PRICKLE1: variants seen among roughly 807,000 people sequenced by gnomAD.
The protein encoded by PRICKLE1 is prickle-like protein 1.
In PRICKLE1, 14 loss-of-function variants were observed where a neutral mutation model predicts 70.2. The ratio of observed to expected loss-of-function variants is 0.20; its 90% CI spans 0.13 to 0.31. The LOEUF (loss-of-function observed/expected upper bound fraction) is 0.31, where lower values mean the gene tolerates loss of function less well. Ranked by LOEUF, PRICKLE1 falls within the 10% of genes least tolerant of loss-of-function variation. The pLI, the probability that PRICKLE1 is intolerant of heterozygous loss-of-function variation, is 1.00. For synonymous variants in PRICKLE1, 357 were observed against 379.9 expected, an observed-to-expected ratio of 0.94 and a Z score of 0.70; for missense variants, 821 against 1,026.2, an observed-to-expected ratio of 0.80 and a Z score of 2.73.
intron 1 of PRICKLE1, among the ~76,000 whole-genome samples, chr12:42,532,673 G>A (rs1190515395): frequency 2.0e-5 from 3 of 152,082 alleles, no homozygotes; most frequent in African/African-American, 2.4e-5. Context: ...TGAGGCGGGC[G>A]GATCACGAGG....
chr12:42,478,150 G>C (rs1208702898), intron 1 of PRICKLE1, among the ~76,000 whole-genome samples: 1 of 151,910 alleles, frequency 6.6e-6, no homozygotes, highest in Non-Finnish European at 1.5e-5. Context: ...CACTTCTGTG[G>C]GATCCATTTG....
At position 42,517,969 on chromosome 12, in the gene PRICKLE1, G is replaced by GGTTTATAATTCCAGGTTTATAATTCCA. The variant is rs1939639354; in HGVS notation, c.-48-45406_-48-45405insTGGAATTATAAACCTGGAATTATAAAC. On this transcript the variant is annotated intron_variant, in intron 1 of 7. Coordinates refer to ENST00000345127, the MANE Select transcript of PRICKLE1 (RefSeq NM_153026.3). The stretch of plus-strand genomic sequence containing the variant: ...GTCTCAGAATGTCTCTCCCAGGCCT[G>GGTTTATAATTCCAGGTTTATAATTCCA]GGTTTATAATTCCAAAGATAACATA... Among the ~76,000 whole-genome samples, 3 of 151,932 alleles carry GGTTTATAATTCCAGGTTTATAATTCCA rather than the reference G, an allele frequency of 2.0e-5. No individual in the cohort carries two copies. In the South Asian group the frequency reaches 6.3e-4, roughly 32 times the overall value.
intron 1 of PRICKLE1, among the ~76,000 whole-genome samples, chr12:42,531,113 C>T (rs1237105589): frequency 9.8e-5 from 6 of 61,416 alleles, no homozygotes; most frequent in Non-Finnish European, 2.0e-4. Context: ...GTGGCACGAT[C>T]TCGGCTCACT....
intron 1 of PRICKLE1, among the ~76,000 whole-genome samples, chr12:42,477,409 AT>A (rs1938590995): frequency 6.7e-6 from 1 of 148,488 alleles, no homozygotes; most frequent in Non-Finnish European, 1.5e-5. Flanking sequence ...ATATACACAT[AT>A]TATATATATG....
At chr12:42,537,523 G>A (rs973664586) in intron 1 of PRICKLE1, among the ~76,000 whole-genome samples, 2 of 152,052 alleles carry the variant, frequency 1.3e-5, no homozygotes, top group African/African-American at 4.8e-5. Flanking sequence ...CAAACAAAAC[G>A]CAGTAATATT....
intron 1 of PRICKLE1, among the ~76,000 whole-genome samples, chr12:42,480,659 T>G (rs17091262): frequency 0.04 from 6,019 of 152,342 alleles, 141 homozygotes; most frequent in South Asian, 0.088. Flanking sequence ...GACCTTGACA[T>G]ATACATAAAT....
intron 1 of PRICKLE1, among the ~76,000 whole-genome samples, chr12:42,506,077 G>A (rs2708040): frequency 0.17 from 25,927 of 151,898 alleles, 2,920 homozygotes; most frequent in African/African-American, 0.3. Context: ...CCCGGACATC[G>A]CAAAGTCTTC....
At chr12:42,478,781 G>GA (rs2140144933) in intron 1 of PRICKLE1, among the ~76,000 whole-genome samples, 1 of 150,164 alleles carries the variant, frequency 6.7e-6, no homozygotes, top group South Asian at 2.1e-4. Context: ...CCATGCAATA[G>GA]AAAATGGAAC....
At position 42,468,638 on chromosome 12, in the gene PRICKLE1, T is replaced by G. The variant is rs763282675; in HGVS notation, c.576A>C (p.Ser192=). The G allele has an allele frequency of 6.2e-7, 1 of 1,614,034 alleles. No individual in the cohort carries two copies. The highest frequency in any genetic ancestry group is 1.1e-5 in the South Asian group (1 of 91,074). ...HHAELLKPRC[S]ACDEIIFADE... ...AACTTTTTTTTACCTCGTCACATGCTGAGCACCGTGGTTTGAGCAGTTCTG... is the reference window on the plus strand; with the variant it reads ...AACTTTTTTTTACCTCGTCACATGCGGAGCACCGTGGTTTGAGCAGTTCTG... The change falls in exon 5 of 8, where the codon TCA becomes TCC. Residue 192 remains serine (S), a synonymous_variant. Coordinates refer to ENST00000345127, the MANE Select transcript of PRICKLE1 (RefSeq NM_153026.3).
At chr12:42,487,440 G>C (rs1221446444) in intron 1 of PRICKLE1, among the ~76,000 whole-genome samples, 1 of 152,098 alleles carries the variant, frequency 6.6e-6, no homozygotes, top group Non-Finnish European at 1.5e-5. Flanking sequence ...TGTGATTAGA[G>C]AGCACTGGTT....
At chr12:42,563,854 C>T (rs1342855106) in intron 1 of PRICKLE1, among the ~76,000 whole-genome samples, 4 of 151,602 alleles carry the variant, frequency 2.6e-5, no homozygotes, top group Admixed American at 2.0e-4. Flanking sequence ...TTTTCGAGTA[C>T]AATGGGTACA....
intron 1 of PRICKLE1, among the ~76,000 whole-genome samples, chr12:42,536,430 A>G (rs1940018140): frequency 6.6e-6 from 1 of 152,054 alleles, no homozygotes; most frequent in Non-Finnish European, 1.5e-5. Flanking sequence ...CTTCCAACCA[A>G]TTCCTGTTTC....
chr12:42,465,458 A>C, intron 6 of PRICKLE1, 200 bp from the exon 7 acceptor site: 1 of 598,052 alleles, frequency 1.7e-6, no homozygotes, highest in East Asian at 2.8e-5. Flanking sequence ...ACAACTCCCA[A>C]ACTAATATTC....
intron 1 of PRICKLE1, among the ~76,000 whole-genome samples, chr12:42,491,024 G>A (rs1939091269): frequency 1.3e-5 from 2 of 151,344 alleles, no homozygotes; most frequent in South Asian, 2.1e-4. Context: ...ACAGGTATGC[G>A]CCACCGTGCC....
chr12:42,528,493 A>T (rs1208416846), intron 1 of PRICKLE1, among the ~76,000 whole-genome samples: 3 of 152,364 alleles, frequency 2.0e-5, no homozygotes, highest in Non-Finnish European at 4.4e-5. Context: ...TCTTCATTTT[A>T]ATAAAAACAA....
intron 1 of PRICKLE1, among the ~76,000 whole-genome samples, chr12:42,577,232 C>T (rs1026674440): frequency 1.3e-5 from 2 of 151,998 alleles, no homozygotes; most frequent in African/African-American, 2.4e-5. Context: ...TAATTTTTAG[C>T]ATAAACATAA....
chr12:42,506,370 C>T (rs1422283635), intron 1 of PRICKLE1, among the ~76,000 whole-genome samples: 4 of 149,110 alleles, frequency 2.7e-5, no homozygotes, highest in Non-Finnish European at 4.4e-5. Context: ...GATTCTTCTG[C>T]CTCTGCCTCC....
At chr12:42,469,902 C>T in intron 3 of PRICKLE1, 1 of 494,148 alleles carries the variant, frequency 2.0e-6, no homozygotes, top group East Asian at 3.9e-5. Context: ...GCCACTTTTA[C>T]TCTCCATTCT....
intron 1 of PRICKLE1, among the ~76,000 whole-genome samples, chr12:42,539,848 T>C (rs1940078615): frequency 6.6e-6 from 1 of 152,230 alleles, no homozygotes; most frequent in African/African-American, 2.4e-5. Context: ...AAATGTCAAG[T>C]ATGCTAGGGT....
Sources: gnomAD v4.1 joint callset for allele counts (sites outside exome capture counted in the v4.1 genomes callset) on GRCh38, gnomAD v4.1.1 for gene constraint, MANE v1.5 for transcripts, NCBI Gene and HGNC (gene_info 2026-07-23, HGNC 2026-07-21) for gene names.